The following RAB3IP variants were observed in gnomAD, a reference collection of about 807,000 sequenced individuals.
RAB3IP encodes rab-3A-interacting protein.
In RAB3IP, 36 loss-of-function variants were observed where a neutral mutation model predicts 59.1. That is an observed-to-expected ratio of 0.61 (90% CI 0.47 to 0.80). The LOEUF is 0.80. Among genes scored for constraint, RAB3IP ranks in the 30% least tolerant of loss-of-function variants. The pLI, the probability that RAB3IP is intolerant of heterozygous loss-of-function variation, is 0.00. For synonymous variants in RAB3IP, 207 were observed against 191.2 expected, an observed-to-expected ratio of 1.08 and a Z score of -0.68; for missense variants, 511 against 536.0, an observed-to-expected ratio of 0.95 and a Z score of 0.46.
rs541971697 is a variant in RAB3IP, at chr12:69,802,344, A to G, written c.1130+623A>G. On this transcript the variant is annotated intron_variant, in intron 8 of 10. Coordinates refer to ENST00000247833, the MANE Select transcript of RAB3IP (RefSeq NM_022456.5). ...GTGTTTATAAAGGATTCTCACTTAA[A>G]TAAATAATCAGTTTTGTCTTTCATA... 2.6e-5 allele frequency among the ~76,000 whole-genome samples: 4 copies of G among 152,050 alleles called. No individual in the cohort carries two copies. In the South Asian group the frequency reaches 8.3e-4, roughly 32 times the overall value.
At chr12:69,809,399 A>T (rs1880027613) in intron 8 of RAB3IP, among the ~76,000 whole-genome samples, 2 of 151,928 alleles carry the variant, frequency 1.3e-5, no homozygotes, top group African/African-American at 4.8e-5. Context: ...CTGCTCGAGG[A>T]GTATCTTTGT....
intron 1 of RAB3IP, among the ~76,000 whole-genome samples, chr12:69,745,912 AC>A (rs1868322090): frequency 6.6e-6 from 1 of 152,226 alleles, no homozygotes; most frequent in South Asian, 2.1e-4. Flanking sequence ...TAGCTCTGTT[AC>A]TTTTTGTGTA....
chr12:69,817,243 T>C lies in RAB3IP; in HGVS notation c.*1797T>C, dbSNP rs1014605214. ...AGTATACCCATTAATAATAAATCTT[T>C]AGTAATCTATAAGGGGAAGAATGCT... On this transcript the variant is annotated 3_prime_UTR_variant, in exon 11 of 11. Transcript: ENST00000247833. 1.3e-5 allele frequency: 2 copies of C among 152,182 alleles called. No homozygotes were observed. The highest frequency in any genetic ancestry group is 6.5e-5 in the Admixed American group (1 of 15,282). 9.4% of individuals were successfully genotyped at this position (152,182 alleles called of 1,614,324 possible).
intron 10 of RAB3IP, among the ~76,000 whole-genome samples, chr12:69,814,082 A>G (rs1364068534): frequency 1.3e-5 from 2 of 152,184 alleles, no homozygotes; most frequent in East Asian, 1.9e-4. Context: ...AAACTGTGTA[A>G]TACTTTTTTT....
intron 4 of RAB3IP, among the ~76,000 whole-genome samples, chr12:69,790,559 G>A (rs995635798): frequency 6.6e-6 from 1 of 151,894 alleles, no homozygotes; most frequent in Non-Finnish European, 1.5e-5. Flanking sequence ...TTCATATGGA[G>A]CTACAAAAAA....
chr12:69,783,435 C>G (rs1875083257), intron 3 of RAB3IP, among the ~76,000 whole-genome samples: 1 of 152,206 alleles, frequency 6.6e-6, no homozygotes, highest in East Asian at 1.9e-4. Flanking sequence ...CCTTCCTTCT[C>G]CCTGTCTTCA....
chr12:69,746,154 A>C (rs149491032), intron 1 of RAB3IP, among the ~76,000 whole-genome samples: 1 of 152,216 alleles, frequency 6.6e-6, no homozygotes, highest in Admixed American at 6.5e-5. Flanking sequence ...ACCAGCCTCT[A>C]GTCTCCAGTG....
intron 3 of RAB3IP, among the ~76,000 whole-genome samples, chr12:69,758,781 T>TTTTTTTTC (rs398020051): frequency 7.1e-6 from 1 of 141,016 alleles, no homozygotes; most frequent in Non-Finnish European, 1.5e-5. Flanking sequence ...TTTTTTTTTT[T>TTTTTTTTC]ACAAGTTTTA....
chr12:69,770,349 A>G (rs1872899942), intron 3 of RAB3IP, among the ~76,000 whole-genome samples: 1 of 152,190 alleles, frequency 6.6e-6, no homozygotes, highest in Non-Finnish European at 1.5e-5. Context: ...GTGTTTGCAT[A>G]TAACCTATGC....
At chr12:69,792,731 C>G (rs189424878) in intron 4 of RAB3IP, among the ~76,000 whole-genome samples, 1 of 152,240 alleles carries the variant, frequency 6.6e-6, no homozygotes, top group Non-Finnish European at 1.5e-5. Flanking sequence ...TATGTTATAC[C>G]TTTTCACTGT....
chr12:69,781,551 CT>C (rs1874707078), intron 3 of RAB3IP, among the ~76,000 whole-genome samples: 1 of 152,168 alleles, frequency 6.6e-6, no homozygotes, highest in Non-Finnish European at 1.5e-5. Flanking sequence ...CCTAAAAACC[CT>C]GGCAACCACT....
chr12:69,810,320 C>T (rs549419687), intron 8 of RAB3IP, among the ~76,000 whole-genome samples: 1 of 152,278 alleles, frequency 6.6e-6, no homozygotes, highest in East Asian at 1.9e-4. Flanking sequence ...TGGGGGGTGC[C>T]TCCCAGTTAG....
At chr12:69,742,718 CAAAG>C (rs1037921621) in intron 1 of RAB3IP, among the ~76,000 whole-genome samples, 3 of 152,116 alleles carry the variant, frequency 2.0e-5, no homozygotes, top group African/African-American at 7.2e-5. Context: ...AATGAAGGGA[CAAAG>C]GAAGGAAGAG....
At position 69,751,735 on chromosome 12, in the gene RAB3IP, G is replaced by A. The variant is rs78491007; in HGVS notation, c.-25-3649G>A. Among the ~76,000 whole-genome samples the A allele has an allele frequency of 3.2e-3, 493 of 152,094 alleles. 5 individuals are homozygous for A. The highest frequency in any genetic ancestry group is 0.011 in the African/African-American group (442 of 41,528). Reference sequence around the variant, plus strand: ...TTTGCTTTTAGAATACATTCCATTAGGGATATATATTTATGTTGTTATGTT... The same window carrying A: ...TTTGCTTTTAGAATACATTCCATTAAGGATATATATTTATGTTGTTATGTT... On this transcript the variant is annotated intron_variant, in intron 1 of 10. Transcript: ENST00000247833.
chr12:69,812,903 A>G (rs1880649742), intron 9 of RAB3IP, 26 bp downstream of exon 9: 3 of 1,605,774 alleles, frequency 1.9e-6, no homozygotes, highest in African/African-American at 2.7e-5. Context: ...ATGAATTTTA[A>G]TAAAGCTTGC....
chr12:69,754,372 G>A (rs867824739), intron 1 of RAB3IP, among the ~76,000 whole-genome samples: 1 of 125,042 alleles, frequency 8.0e-6, no homozygotes, highest in African/African-American at 3.2e-5. Context: ...CACACACACT[G>A]TGTATATGTA....
intron 3 of RAB3IP, among the ~76,000 whole-genome samples, chr12:69,758,608 T>G (rs921105961): frequency 3.9e-5 from 6 of 152,180 alleles, no homozygotes; most frequent in Admixed American, 3.3e-4. Flanking sequence ...GTTGTATGTT[T>G]CACTTCTTTG....
At chr12:69,788,773 T>C (rs1305620866) in intron 4 of RAB3IP, among the ~76,000 whole-genome samples, 2 of 152,090 alleles carry the variant, frequency 1.3e-5, no homozygotes, top group Non-Finnish European at 2.9e-5. Flanking sequence ...CAGGTGCACA[T>C]GAAACATTCT....
rs78294090 is a variant in RAB3IP at position 69,816,179 on chromosome 12, G to A, written c.*733G>A. ...AAATGAGTTTGACGTGTGTCAAAGG[G>A]GTTTAAAGGGGTGTGGATTGAATGA... On this transcript the variant is annotated 3_prime_UTR_variant, in exon 11 of 11. Transcript: ENST00000247833. The A allele has an allele frequency of 6.6e-6, 1 of 152,126 alleles. No individual in the cohort carries two copies. The highest frequency in any genetic ancestry group is 6.6e-5 in the Admixed American group (1 of 15,264). 9.4% of individuals were successfully genotyped at this position (152,126 alleles called of 1,614,324 possible).
Sources: allele counts gnomAD v4.1 joint callset (sites outside exome capture counted in the v4.1 genomes callset), GRCh38; gene constraint gnomAD v4.1.1; transcripts MANE v1.5; gene names NCBI Gene and HGNC (gene_info 2026-07-23, HGNC 2026-07-21).